PDZRN4: variants seen among roughly 807,000 people sequenced by gnomAD.
The protein encoded by PDZRN4 is PDZ domain containing ring finger 4, also known as PDZ domain-containing RING finger protein 4.
In PDZRN4, 70 loss-of-function variants were observed where a neutral mutation model predicts 99.0. The ratio of observed to expected loss-of-function variants is 0.71; its 90% CI spans 0.58 to 0.86. The LOEUF is 0.86. Among genes scored for constraint, PDZRN4 ranks in the 40% least tolerant of loss-of-function variants. PDZRN4 has a pLI of 0.00. For missense variants in PDZRN4, 1,474 were observed against 1,331.2 expected (o/e 1.11, Z -1.67); for synonymous variants, 551 against 501.6 (o/e 1.10, Z -1.32).
intron 3 of PDZRN4, among the ~76,000 whole-genome samples, chr12:41,242,953 C>T (rs1018924597): frequency 1.3e-5 from 2 of 152,204 alleles, no homozygotes; most frequent in Non-Finnish European, 2.9e-5. Context: ...TCTGGCTCCT[C>T]TTTTTCACCT....
intron 3 of PDZRN4, among the ~76,000 whole-genome samples, chr12:41,373,405 C>G (rs770981416): frequency 1.3e-5 from 2 of 152,060 alleles, no homozygotes; most frequent in Non-Finnish European, 2.9e-5. Context: ...AAAAGACAGC[C>G]GCCCCTGAAG....
intron 3 of PDZRN4, among the ~76,000 whole-genome samples, chr12:41,203,683 C>T (rs1950831139): frequency 6.6e-6 from 1 of 151,976 alleles, no homozygotes; most frequent in African/African-American, 2.4e-5. Flanking sequence ...TTGCCAAGGC[C>T]ACACAGTAAG....
At chr12:41,351,174 A>G (rs1951887134) in intron 3 of PDZRN4, among the ~76,000 whole-genome samples, 1 of 152,134 alleles carries the variant, frequency 6.6e-6, no homozygotes, top group South Asian at 2.1e-4. Context: ...TAGAGTCATT[A>G]CCTTCTAGGT....
intron 3 of PDZRN4, among the ~76,000 whole-genome samples, chr12:41,479,560 C>T (rs1022224068): frequency 1.3e-5 from 2 of 152,156 alleles, no homozygotes; most frequent in Non-Finnish European, 2.9e-5. Flanking sequence ...GCATGGGAAT[C>T]GTAATCACTG....
chr12:41,358,569 G>A (rs1951943672), intron 3 of PDZRN4, among the ~76,000 whole-genome samples: 1 of 151,980 alleles, frequency 6.6e-6, no homozygotes, highest in East Asian at 1.9e-4. Flanking sequence ...GTAAGTCACA[G>A]AGTCGGGGAA....
chr12:41,565,239 C>T (rs944818662), intron 8 of PDZRN4, among the ~76,000 whole-genome samples: 2 of 151,988 alleles, frequency 1.3e-5, no homozygotes, highest in African/African-American at 4.8e-5. Flanking sequence ...GGTTGTCTGA[C>T]TCCATAGGAT....
intron 3 of PDZRN4, among the ~76,000 whole-genome samples, chr12:41,503,206 C>T (rs913079112): frequency 6.6e-6 from 1 of 152,092 alleles, no homozygotes; most frequent in Non-Finnish European, 1.5e-5. Flanking sequence ...AGGTCATAGA[C>T]TTCTTTACTT....
chr12:41,444,781 GT>G (rs1952709990), intron 3 of PDZRN4, among the ~76,000 whole-genome samples: 1 of 151,928 alleles, frequency 6.6e-6, no homozygotes, highest in South Asian at 2.1e-4. Flanking sequence ...AGTAAAATAA[GT>G]TGATTTTACA....
intron 3 of PDZRN4, among the ~76,000 whole-genome samples, chr12:41,455,557 A>G (rs1952811100): frequency 6.6e-6 from 1 of 152,182 alleles, no homozygotes; most frequent in Admixed American, 6.5e-5. Context: ...ATAAATAATA[A>G]AATAACAATA....
rs562609560 is a variant in PDZRN4, at chr12:41,564,359, A to C, written c.1467+710A>C. Reference sequence around the variant, plus strand: ...GAAAGTAGAGTAAAGGTAATGGAAAAAAAGTACTATTGGGGCTTCCTTTTA... The same window carrying C: ...GAAAGTAGAGTAAAGGTAATGGAAACAAAGTACTATTGGGGCTTCCTTTTA... On this transcript the variant is annotated intron_variant, in intron 8 of 9. Coordinates refer to ENST00000402685, the MANE Select transcript of PDZRN4 (RefSeq NM_001164595.2). Among the ~76,000 whole-genome samples, 7 of 152,278 alleles carry C rather than the reference A, an allele frequency of 4.6e-5. 1 individual carries two copies. The highest frequency in any genetic ancestry group is 1.7e-4 in the African/African-American group (7 of 41,574).
At chr12:41,248,716 G>GA (rs1351032392) in intron 3 of PDZRN4, among the ~76,000 whole-genome samples, 1 of 151,970 alleles carries the variant, frequency 6.6e-6, no homozygotes, top group Non-Finnish European at 1.5e-5. Context: ...CAAACATCTG[G>GA]AAAGCATTCT....
intron 3 of PDZRN4, among the ~76,000 whole-genome samples, chr12:41,365,918 T>C (rs1341395981): frequency 3.3e-5 from 5 of 152,108 alleles, no homozygotes; most frequent in Non-Finnish European, 7.4e-5. Context: ...GTTCAAGCCT[T>C]ACAAGTGTGA....
At chr12:41,457,765 G>T (rs1287706060) in intron 3 of PDZRN4, among the ~76,000 whole-genome samples, 2 of 152,084 alleles carry the variant, frequency 1.3e-5, no homozygotes, top group Non-Finnish European at 2.9e-5. Context: ...TAACTTTTTG[G>T]TGATAGGAGT....
intron 3 of PDZRN4, among the ~76,000 whole-genome samples, chr12:41,342,653 T>G (rs1336766190): frequency 6.6e-6 from 1 of 151,782 alleles, no homozygotes; most frequent in Non-Finnish European, 1.5e-5. Flanking sequence ...AAAACCACAA[T>G]GAGATATCAC....
chr12:41,211,505 T>A (rs1366859350), intron 3 of PDZRN4, among the ~76,000 whole-genome samples: 5 of 152,006 alleles, frequency 3.3e-5, no homozygotes, highest in African/African-American at 1.2e-4. Flanking sequence ...GAAGAAGCTT[T>A]TCTCTGAGGT....
At chr12:41,517,212 G>A (rs2120703894) in intron 5 of PDZRN4, among the ~76,000 whole-genome samples, 1 of 152,132 alleles carries the variant, frequency 6.6e-6, no homozygotes, top group South Asian at 2.1e-4. Flanking sequence ...AACCTTCCAA[G>A]TTGGTTATTA....
chr12:41,573,859 A>G lies in PDZRN4; in HGVS notation c.3080A>G (p.His1027Arg). The change falls in exon 10 of 10, where the codon CAT (histidine) becomes CGT (arginine). Residue 1027 changes from histidine to arginine, a missense_variant. His to Arg is a conservative substitution (Grantham distance 29, BLOSUM62 0). Coordinates refer to ENST00000402685, the MANE Select transcript of PDZRN4 (RefSeq NM_001164595.2). ...GAKSPDGTRV[H>R]NAFLSVTTV ...AAGTCTCCAGATGGCACGAGAGTCC[A>G]TAATGCCTTCTTGTCGGTGACCACT... 1 of 1,583,346 alleles carries G rather than the reference A, an allele frequency of 6.3e-7. No homozygotes were observed. The highest frequency in any genetic ancestry group is 8.6e-7 in the Non-Finnish European group (1 of 1,168,042).
intron 3 of PDZRN4, among the ~76,000 whole-genome samples, chr12:41,416,063 C>T (rs4584644): frequency 0.52 from 79,049 of 151,922 alleles, 21,220 homozygotes; most frequent in African/African-American, 0.67. Context: ...CCAAATATTT[C>T]CTCTGAGATT....
intron 3 of PDZRN4, among the ~76,000 whole-genome samples, chr12:41,275,442 T>C (rs1951344465): frequency 6.6e-6 from 1 of 152,088 alleles, no homozygotes; most frequent in African/African-American, 2.4e-5. Context: ...TCTTTCCCAT[T>C]AAGTGATTTT....
Sources: gnomAD v4.1 joint callset for allele counts (sites outside exome capture counted in the v4.1 genomes callset) on GRCh38, gnomAD v4.1.1 for gene constraint, MANE v1.5 for transcripts, NCBI Gene and HGNC (gene_info 2026-07-23, HGNC 2026-07-21) for gene names.